The following CRACR2A variants were observed in gnomAD, a reference collection of about 807,000 sequenced individuals.
The protein encoded by CRACR2A is calcium release activated channel regulator 2A, also known as EF-hand calcium-binding domain-containing protein 4B.
CRACR2A carries 79 observed loss-of-function variants against 90.5 expected under a neutral mutation model. That is an observed-to-expected ratio of 0.87 (90% CI 0.73 to 1.05). The LOEUF is 1.05. Among genes scored for constraint, CRACR2A ranks in the 50% least tolerant of loss-of-function variants. The pLI is 0.00. For missense variants in CRACR2A, 823 were observed against 897.2 expected (o/e 0.92, Z 1.06); for synonymous variants, 338 against 356.7 (o/e 0.95, Z 0.59).
At chr12:3,665,466 T>G (rs1945115585) in intron 7 of CRACR2A, among the ~76,000 whole-genome samples, 1 of 152,166 alleles carries the variant, frequency 6.6e-6, no homozygotes, top group South Asian at 2.1e-4. Context: ...ATCTGAAAAA[T>G]CAGTTGGTAA....
chr12:3,665,815 C>T (rs1201177219), intron 7 of CRACR2A, among the ~76,000 whole-genome samples: 2 of 152,218 alleles, frequency 1.3e-5, no homozygotes, highest in East Asian at 3.9e-4. Flanking sequence ...GAAGTCCATA[C>T]ATCCCACCAA....
intron 5 of CRACR2A, 80 bp from the exon 6 acceptor site, chr12:3,679,178 C>T: frequency 7.4e-7 from 1 of 1,348,300 alleles, no homozygotes; most frequent in Non-Finnish European, 1.0e-6. Flanking sequence ...TGCCAGGAAT[C>T]ATTGAAGGTT....
chr12:3,649,267 A>AATAT (rs1402811593), intron 10 of CRACR2A, among the ~76,000 whole-genome samples: 1 of 152,000 alleles, frequency 6.6e-6, no homozygotes, highest in Non-Finnish European at 1.5e-5. Flanking sequence ...TAAATAAATA[A>AATAT]AAAAGAGTTT....
chr12:3,672,970 C>G, intron 7 of CRACR2A: 1 of 193,892 alleles, frequency 5.2e-6, no homozygotes, highest in Non-Finnish European at 9.4e-6. Context: ...TGATCTGGCC[C>G]TGGGGGATGG....
intron 4 of CRACR2A, among the ~76,000 whole-genome samples, chr12:3,687,870 T>C (rs183109684): frequency 6.6e-6 from 1 of 152,370 alleles, no homozygotes; most frequent in Non-Finnish European, 1.5e-5. Flanking sequence ...TTTGGCTTTT[T>C]AGTAATAGCC....
chr12:3,743,657 AC>A (rs1946565111), intron 1 of CRACR2A, among the ~76,000 whole-genome samples: 1 of 152,162 alleles, frequency 6.6e-6, no homozygotes, highest in Non-Finnish European at 1.5e-5. Flanking sequence ...ACATGGTAAG[AC>A]CTATATCAGA....
chr12:3,673,839 G>A (rs1184860572), intron 6 of CRACR2A, among the ~76,000 whole-genome samples: 1 of 152,216 alleles, frequency 6.6e-6, no homozygotes, highest in East Asian at 1.9e-4. Context: ...GACGAAGCAG[G>A]TGAAGAGAGG....
rs182998538 is a variant in CRACR2A at position 3,741,434 on chromosome 12, C to G, written c.-386-8224G>C. Among the ~76,000 whole-genome samples the G allele has an allele frequency of 1.1e-3, 162 of 152,344 alleles. 1 individual carries two copies. The highest frequency in any genetic ancestry group is 3.8e-3 in the African/African-American group (159 of 41,582). On this transcript the variant is annotated intron_variant, in intron 1 of 19. Transcript: ENST00000440314. ...GAAGCAAAGGTTAATTTCAGCCAAA[C>G]TGATGAATGAATGGAAAATACTTTG... is the stretch of plus-strand genomic sequence containing the variant.
intron 10 of CRACR2A, 122 bp from the exon 11 acceptor site, chr12:3,648,735 C>T (rs896950818): frequency 2.1e-6 from 3 of 1,402,070 alleles, no homozygotes; most frequent in Non-Finnish European, 2.9e-6. Flanking sequence ...AGGAACGTGG[C>T]CTCCTCCTGG....
chr12:3,665,144 A>G (rs1373111512), intron 7 of CRACR2A, among the ~76,000 whole-genome samples: 9 of 152,262 alleles, frequency 5.9e-5, no homozygotes, highest in Admixed American at 5.9e-4. Flanking sequence ...AGATGAAAGA[A>G]GAGTGAGGGC....
At chr12:3,749,342 G>GA (rs1565512944) in intron 1 of CRACR2A, among the ~76,000 whole-genome samples, 1 of 152,182 alleles carries the variant, frequency 6.6e-6, no homozygotes, top group Non-Finnish European at 1.5e-5. Flanking sequence ...TTATAAGAGT[G>GA]ACTCCCTTTG....
At chr12:3,618,647 G>C (rs528750570) in intron 18 of CRACR2A, among the ~76,000 whole-genome samples, 1 of 152,264 alleles carries the variant, frequency 6.6e-6, no homozygotes, top group East Asian at 1.9e-4. Context: ...GGGCTGGTAA[G>C]CACCCCAACC....
intron 7 of CRACR2A, among the ~76,000 whole-genome samples, chr12:3,666,328 T>TGC (rs1422591225): frequency 1.2e-4 from 11 of 91,584 alleles, no homozygotes; most frequent in African/African-American, 5.3e-4. Flanking sequence ...AAAGGACGGC[T>TGC]GCGTGTGTGT....
chr12:3,687,115 C>G (rs1341328826), intron 4 of CRACR2A, among the ~76,000 whole-genome samples: 1 of 152,008 alleles, frequency 6.6e-6, no homozygotes, highest in Non-Finnish European at 1.5e-5. Flanking sequence ...GCCAATCTCA[C>G]AATCCATTTT....
chr12:3,617,552 G>C (rs1156957604), intron 18 of CRACR2A, among the ~76,000 whole-genome samples: 1 of 152,168 alleles, frequency 6.6e-6, no homozygotes, highest in Admixed American at 6.5e-5. Context: ...GAGGCACTCC[G>C]GTAGGAATTC....
At chr12:3,695,353 T>C (rs1269071873) in intron 4 of CRACR2A, among the ~76,000 whole-genome samples, 2 of 152,200 alleles carry the variant, frequency 1.3e-5, no homozygotes, top group Non-Finnish European at 2.9e-5. Context: ...CTTTGAGGAC[T>C]GGGTTTTGGT....
chr12:3,704,097 C>T (rs1328864864), intron 3 of CRACR2A, among the ~76,000 whole-genome samples: 2 of 152,214 alleles, frequency 1.3e-5, no homozygotes, highest in Non-Finnish European at 1.5e-5. Context: ...AGCATGTGTA[C>T]ATACAAAGAC....
At chr12:3,703,354 G>T (rs770079724) in intron 3 of CRACR2A, among the ~76,000 whole-genome samples, 34 of 152,156 alleles carry the variant, frequency 2.2e-4, no homozygotes, top group African/African-American at 4.8e-4. Flanking sequence ...CAAAGTGCTG[G>T]GATTACAGGC....
intron 11 of CRACR2A, chr12:3,648,060 T>C: frequency 3.0e-6 from 3 of 992,230 alleles, no homozygotes; most frequent in Non-Finnish European, 3.6e-6. Context: ...ACAGCCGAGT[T>C]ACGGATTTCC....
Sources: allele counts gnomAD v4.1 joint callset (sites outside exome capture counted in the v4.1 genomes callset), GRCh38; gene constraint gnomAD v4.1.1; transcripts MANE v1.5; gene names NCBI Gene and HGNC (gene_info 2026-07-23, HGNC 2026-07-21).